AKAP13: variants seen among roughly 807,000 people sequenced by gnomAD.
AKAP13 encodes A-kinase anchoring protein 13, also known as A-kinase anchor protein 13.
A neutral mutation model predicts 264.5 loss-of-function variants in AKAP13; 80 were observed. The ratio of observed to expected loss-of-function variants is 0.30; its 90% CI spans 0.25 to 0.36. The LOEUF (loss-of-function observed/expected upper bound fraction) is 0.36. Among genes scored for constraint, AKAP13 ranks in the 10% least tolerant of loss-of-function variants. AKAP13 has a pLI of 1.00. For synonymous variants in AKAP13, 1,380 were observed against 1,250.2 expected (o/e 1.10, Z -2.19); for missense variants, 3,712 against 3,435.2 (o/e 1.08, Z -2.01).
chr15:85,473,403 G>A (rs1195415165), intron 1 of AKAP13, among the ~76,000 whole-genome samples: 1 of 152,160 alleles, frequency 6.6e-6, no homozygotes, highest in African/African-American at 2.4e-5. Context: ...AAATATTTGA[G>A]TGCATACTCT....
At chr15:85,715,048 G>A (rs1272662880) in intron 19 of AKAP13, among the ~76,000 whole-genome samples, 2 of 151,958 alleles carry the variant, frequency 1.3e-5, no homozygotes, top group Non-Finnish European at 2.9e-5. Flanking sequence ...CTTTATCCCC[G>A]TTGCCTGTCC....
At chr15:85,590,712 C>A (rs2079547229) in intron 8 of AKAP13, among the ~76,000 whole-genome samples, 1 of 152,126 alleles carries the variant, frequency 6.6e-6, no homozygotes, top group African/African-American at 2.4e-5. Context: ...ATCATTTTAT[C>A]ATTTTATTTT....
In AKAP13 at chr15:85,578,910, T is replaced by G. The variant is rs199755046; in HGVS notation, c.862-20T>G. 6.3e-7 allele frequency: 1 copy of G among 1,598,606 alleles called. No individual in the cohort carries two copies. The highest frequency in any genetic ancestry group is 1.3e-5 in the African/African-American group (1 of 74,282). ...TCTCCTACAGGCAGTTTTTTAAAAGTGTATTTCATTTCCTCCTAGAAAACA... is the reference window on the plus strand; with the variant it reads ...TCTCCTACAGGCAGTTTTTTAAAAGGGTATTTCATTTCCTCCTAGAAAACA... On this transcript the variant is annotated intron_variant, in intron 6 of 36. Coordinates refer to ENST00000394518, the MANE Select transcript of AKAP13 (RefSeq NM_007200.5).
At chr15:85,616,869 T>C (rs2080956793) in intron 8 of AKAP13, among the ~76,000 whole-genome samples, 1 of 152,224 alleles carries the variant, frequency 6.6e-6, no homozygotes, top group Non-Finnish European at 1.5e-5. Context: ...GACTCTTTTT[T>C]CCACCCAGAG....
At chr15:85,457,344 C>T (rs2074318198) in intron 1 of AKAP13, among the ~76,000 whole-genome samples, 1 of 152,174 alleles carries the variant, frequency 6.6e-6, no homozygotes, top group Admixed American at 6.5e-5. Context: ...GACACATTCT[C>T]TTTTAAGGAA....
At chr15:85,477,662 A>T (rs1596299165) in intron 1 of AKAP13, among the ~76,000 whole-genome samples, 1 of 148,840 alleles carries the variant, frequency 6.7e-6, no homozygotes, top group East Asian at 2.0e-4. Flanking sequence ...AAAAAAAGGC[A>T]GAGCTTTGTT....
intron 10 of AKAP13, among the ~76,000 whole-genome samples, chr15:85,650,781 AAAAAAAAAACAAC>A (rs1567175462): frequency 2.1e-5 from 3 of 145,610 alleles, no homozygotes; most frequent in Non-Finnish European, 4.5e-5. Context: ...AAAAAAAAAA[AAAAAAAAAACAAC>A]AAAAACTGCA....
intron 1 of AKAP13, among the ~76,000 whole-genome samples, chr15:85,399,519 A>AT (rs1450087789): frequency 0.01 from 1,262 of 124,092 alleles, 31 homozygotes; most frequent in African/African-American, 0.018. Flanking sequence ...AAAAAAAAAA[A>AT]AAATAAAAAA....
intron 4 of AKAP13, among the ~76,000 whole-genome samples, chr15:85,539,788 G>A (rs1347079772): frequency 2.6e-5 from 4 of 152,066 alleles, no homozygotes; most frequent in African/African-American, 9.7e-5. Flanking sequence ...TTCCAATTAA[G>A]TATGGTTAAA....
intron 14 of AKAP13, among the ~76,000 whole-genome samples, chr15:85,673,252 G>A (rs150684895): frequency 6.6e-6 from 1 of 152,284 alleles, no homozygotes; most frequent in Non-Finnish European, 1.5e-5. Flanking sequence ...AATAGAGAGG[G>A]TGACTAAAAT....
chr15:85,593,307 A>G (rs1250984857), intron 8 of AKAP13, among the ~76,000 whole-genome samples: 1 of 152,190 alleles, frequency 6.6e-6, no homozygotes, highest in African/African-American at 2.4e-5. Flanking sequence ...ATGAGACTCT[A>G]TCTCAAAACA....
intron 8 of AKAP13, chr15:85,620,181 G>A: frequency 1.3e-6 from 2 of 1,535,758 alleles, no homozygotes; most frequent in African/African-American, 1.4e-5. Flanking sequence ...AGGTAAGGGG[G>A]GCTGCACCTC....
chr15:85,511,714 A>G (rs1208935316), intron 2 of AKAP13, among the ~76,000 whole-genome samples: 7 of 152,166 alleles, frequency 4.6e-5, no homozygotes. Flanking sequence ...CTTAGTCTGC[A>G]TCTCCTGGCT....
At chr15:85,622,001 T>C (rs2081213546) in intron 8 of AKAP13, among the ~76,000 whole-genome samples, 1 of 152,312 alleles carries the variant, frequency 6.6e-6, no homozygotes, top group Admixed American at 6.5e-5. Context: ...ACACCCTGTT[T>C]CCAGTTTGAA....
intron 20 of AKAP13, 40 bp from the exon 21 acceptor site, chr15:85,717,250 A>G: frequency 7.5e-7 from 1 of 1,328,174 alleles, no homozygotes; most frequent in Non-Finnish European, 1.1e-6. Flanking sequence ...ATAGGTTATC[A>G]GAATGTATTT....
intron 9 of AKAP13, 105 bp from the exon 10 acceptor site, chr15:85,645,713 G>T: frequency 1.7e-6 from 2 of 1,204,978 alleles, no homozygotes; most frequent in East Asian, 2.5e-5. Flanking sequence ...GTGAGAGAGA[G>T]ATTTAAAAGA....
chr15:85,387,461 G>A (rs569390260), intron 1 of AKAP13, among the ~76,000 whole-genome samples: 2 of 152,280 alleles, frequency 1.3e-5, no homozygotes, highest in East Asian at 1.9e-4. Context: ...CTCCCAAGTA[G>A]TTGGGATCAC....
chr15:85,441,812 C>G (rs572051277), intron 1 of AKAP13, among the ~76,000 whole-genome samples: 8 of 151,952 alleles, frequency 5.3e-5, no homozygotes, highest in African/African-American at 1.7e-4. Context: ...AATAGTCTTA[C>G]ATATGCTGTG....
At position 85,415,155 on chromosome 15, in the gene AKAP13, A is replaced by T. The variant is rs1482588503; in HGVS notation, c.-12+34357A>T. On this transcript the variant is annotated intron_variant, in intron 1 of 36. Coordinates refer to ENST00000394518, the MANE Select transcript of AKAP13 (RefSeq NM_007200.5). ...TTCAGAGGGAAATACCTTTAAAAAAAAATGAGATGTGACAGCACGCTGCCA... is the reference window on the plus strand; with the variant it reads ...TTCAGAGGGAAATACCTTTAAAAAATAATGAGATGTGACAGCACGCTGCCA... 5 of 856,880 alleles carry T rather than the reference A, an allele frequency of 5.8e-6. No homozygotes were observed. In the East Asian group the frequency reaches 1.1e-4, roughly 18 times the overall value. The allele number at this position is 856,880 out of a possible 1,614,324, so 53.1% of individuals were successfully genotyped here. A position where few individuals can be genotyped will look rare whatever the true frequency, so the allele number is the denominator to read the frequency against.
Sources: gnomAD v4.1 joint callset for allele counts (sites outside exome capture counted in the v4.1 genomes callset) on GRCh38, gnomAD v4.1.1 for gene constraint, MANE v1.5 for transcripts, NCBI Gene and HGNC (gene_info 2026-07-23, HGNC 2026-07-21) for gene names.